Variants in DUSP10 observed in about 807,000 individuals in gnomAD.
DUSP10 encodes dual specificity phosphatase 10.
Under a neutral mutation model 30.8 loss-of-function variants are expected in DUSP10, and 14 were observed. The ratio of observed to expected loss-of-function variants is 0.46; its 90% confidence interval spans 0.30 to 0.71. The LOEUF is 0.71. DUSP10 is among the 30% of genes least tolerant of loss of function. The pLI, the probability that DUSP10 is intolerant of heterozygous loss-of-function variation, is 0.08. For synonymous variants in DUSP10, 254 were observed against 250.4 expected, an observed-to-expected ratio of 1.01 and a Z score of -0.14; for missense variants, 550 against 619.4, an observed-to-expected ratio of 0.89 and a Z score of 1.19.
chr1:221,709,157 A>G (rs747602061), intron 2 of DUSP10, among the ~76,000 whole-genome samples: 15 of 152,168 alleles, frequency 9.9e-5, no homozygotes, highest in Non-Finnish European at 1.9e-4. Context: ...TTACACAAAG[A>G]CATACAATGA....
rs147513373 is a variant in DUSP10, at chr1:221,727,263, T to C, written c.811+11671A>G. On this transcript the variant is annotated intron_variant, in intron 2 of 3. Transcript: ENST00000366899. ...TCACTATATACGCTCCTAAGAAAGG[T>C]AATGAGAAAAATTATGGAATGACCT... 1.1e-4 allele frequency among the ~76,000 whole-genome samples: 16 copies of C among 152,230 alleles called. No homozygotes were observed. In the East Asian group the frequency reaches 1.5e-3, roughly 15 times the overall value.
chr1:221,735,538 A>T (rs547298911), intron 2 of DUSP10, among the ~76,000 whole-genome samples: 1 of 152,254 alleles, frequency 6.6e-6, no homozygotes, highest in Admixed American at 6.5e-5. Context: ...ACATTAAAAC[A>T]TTATCTATAT....
intron 2 of DUSP10, among the ~76,000 whole-genome samples, chr1:221,712,689 G>A (rs1485020132): frequency 7.2e-6 from 1 of 139,674 alleles, no homozygotes; most frequent in Non-Finnish European, 1.5e-5. Context: ...CCATTCATGG[G>A]TTTTTCCTGT....
At chr1:221,728,477 A>G (rs1661488561) in intron 2 of DUSP10, among the ~76,000 whole-genome samples, 1 of 152,174 alleles carries the variant, frequency 6.6e-6, no homozygotes, top group African/African-American at 2.4e-5. Context: ...AGATTACCTG[A>G]GCTATATTTG....
chr1:221,716,640 G>T (rs747544612), intron 2 of DUSP10, among the ~76,000 whole-genome samples: 1 of 152,210 alleles, frequency 6.6e-6, no homozygotes, highest in Non-Finnish European at 1.5e-5. Flanking sequence ...AGGATTTTGG[G>T]CTTCAATCAA....
chr1:221,731,462 A>G (rs1272737150), intron 2 of DUSP10, among the ~76,000 whole-genome samples: 10 of 152,174 alleles, frequency 6.6e-5, no homozygotes, highest in African/African-American at 2.4e-4. Flanking sequence ...GAGACTTGTC[A>G]GCCCTGAGCT....
At chr1:221,733,106 G>A (rs1463204387) in intron 2 of DUSP10, among the ~76,000 whole-genome samples, 1 of 152,238 alleles carries the variant, frequency 6.6e-6, no homozygotes, top group Non-Finnish European at 1.5e-5. Flanking sequence ...GGGGCTTGGA[G>A]GTTCTGGCTT....
intron 2 of DUSP10, among the ~76,000 whole-genome samples, chr1:221,735,029 C>A (rs942881460): frequency 1.3e-5 from 2 of 152,042 alleles, no homozygotes; most frequent in African/African-American, 4.8e-5. Flanking sequence ...TTTCAGAATT[C>A]TTTTCAACTA....
intron 2 of DUSP10, among the ~76,000 whole-genome samples, chr1:221,722,944 T>G (rs559199807): frequency 1.3e-5 from 2 of 152,228 alleles, no homozygotes; most frequent in Admixed American, 6.6e-5. Flanking sequence ...GTTTATGAAA[T>G]GTAATAGGAC....
At chr1:221,713,542 C>T (rs1224237396) in intron 2 of DUSP10, among the ~76,000 whole-genome samples, 1 of 152,068 alleles carries the variant, frequency 6.6e-6, no homozygotes, top group East Asian at 1.9e-4. Flanking sequence ...TTTTTCATAC[C>T]TCAATTTCCT....
chr1:221,741,220 T>G (rs189494729), intron 1 of DUSP10, among the ~76,000 whole-genome samples: 14 of 152,308 alleles, frequency 9.2e-5, no homozygotes, highest in African/African-American at 3.4e-4. Context: ...TTGCGTAGTA[T>G]TTTTTCTGAA....
Position 221,702,184 on chromosome 1 carries a change from C to A in DUSP10, c.*228G>T. 1 of 510,790 alleles carries A rather than the reference C, an allele frequency of 2.0e-6. No homozygotes were observed. The highest frequency in any genetic ancestry group is 3.4e-6 in the Non-Finnish European group (1 of 291,328). 31.6% of individuals were successfully genotyped at this position (510,790 alleles called of 1,614,324 possible). ...TTTTATTGTTGGCTTAAAAAAATTA[C>A]TTCTTTAACCTCCTTAATTTGTCAG... On this transcript the variant is annotated 3_prime_UTR_variant, in exon 4 of 4. Coordinates refer to ENST00000366899, the MANE Select transcript of DUSP10 (RefSeq NM_007207.6). This position sits in a 1 kb window ranked among gnomAD's most constrained non-coding sequence, Gnocchi z 4.5.
intron 2 of DUSP10, among the ~76,000 whole-genome samples, chr1:221,731,975 G>A (rs1024218802): frequency 2.6e-5 from 4 of 152,138 alleles, no homozygotes; most frequent in African/African-American, 7.2e-5. Context: ...ACAAAATTTC[G>A]TGAAGATGAA....
At chr1:221,714,622 A>T (rs530223139) in intron 2 of DUSP10, among the ~76,000 whole-genome samples, 1 of 152,330 alleles carries the variant, frequency 6.6e-6, no homozygotes, top group African/African-American at 2.4e-5. Context: ...TAAATCAGAT[A>T]CTGCCTCCTC....
Position 221,724,505 on chromosome 1 carries a change from T to C in DUSP10, c.811+14429A>G, listed in dbSNP as rs12075068. 9.5e-3 allele frequency among the ~76,000 whole-genome samples: 1,440 copies of C among 152,324 alleles called. 18 individuals are homozygous for C. Among genetic ancestry groups the C allele is most frequent in the African/African-American group, 0.033 (1,356 of 41,566 alleles). On this transcript the variant is annotated intron_variant, in intron 2 of 3. Coordinates refer to ENST00000366899, the MANE Select transcript of DUSP10 (RefSeq NM_007207.6). ...ATTTTCTATATAAAGTCTTGAAATC[T>C]GGTATATATTTTACACCTACAGCAC...
At chr1:221,732,809 A>G (rs754099143) in intron 2 of DUSP10, among the ~76,000 whole-genome samples, 1 of 152,162 alleles carries the variant, frequency 6.6e-6, no homozygotes, top group Non-Finnish European at 1.5e-5. Context: ...AGACCAATTT[A>G]ATCAGGCTTT....
rs1660601358 is a variant in DUSP10, at chr1:221,701,477, C to T, written c.*935G>A. ...TTTTTACACAATCAACAGAAACACA[C>T]CAAGATTTTTTTTTTTTTTGCGAAA... On this transcript the variant is annotated 3_prime_UTR_variant, in exon 4 of 4. Coordinates refer to ENST00000366899, the MANE Select transcript of DUSP10 (RefSeq NM_007207.6). 1 of 115,912 alleles carries T rather than the reference C, an allele frequency of 8.6e-6. No homozygotes were observed. Among genetic ancestry groups the T allele is most frequent in the African/African-American group, 3.9e-5 (1 of 25,486 alleles). 7.2% of individuals were successfully genotyped at this position (115,912 alleles called of 1,614,324 possible).
intron 2 of DUSP10, among the ~76,000 whole-genome samples, chr1:221,735,901 A>T (rs1211060413): frequency 6.6e-6 from 1 of 152,268 alleles, no homozygotes; most frequent in South Asian, 2.1e-4. Flanking sequence ...ATTAAAAATC[A>T]GCTTTGAGTA....
intron 2 of DUSP10, among the ~76,000 whole-genome samples, chr1:221,707,360 G>C (rs1461086162): frequency 6.6e-6 from 1 of 152,186 alleles, no homozygotes; most frequent in Non-Finnish European, 1.5e-5. Flanking sequence ...CAGTAGAACA[G>C]AATGTGAGAG....
Sources: gnomAD v4.1 joint callset for allele counts (sites outside exome capture counted in the v4.1 genomes callset) on GRCh38, gnomAD v4.1.1 for gene constraint, Gnocchi (gnomAD v3.1) non-coding constraint, MANE v1.5 for transcripts, NCBI Gene and HGNC (gene_info 2026-07-23, HGNC 2026-07-21) for gene names.